PLEKHG4B: variants seen among roughly 807,000 people sequenced by gnomAD.
PLEKHG4B encodes the protein pleckstrin homology domain-containing family G member 4B.
In PLEKHG4B, 111 loss-of-function variants were observed where a neutral mutation model predicts 121.3. The observed-to-expected ratio is 0.92, with a 90% confidence interval of 0.78 to 1.07. The LOEUF is 1.07. Among genes scored for constraint, PLEKHG4B ranks in the 50% least tolerant of loss-of-function variants. The probability of loss-of-function intolerance (pLI) is 0.00; values close to 1 mark genes in which losing one functional copy is unlikely to be tolerated. For synonymous variants in PLEKHG4B, 738 were observed against 725.0 expected (o/e 1.02, Z -0.29); for missense variants, 1,831 against 1,757.8 (o/e 1.04, Z -0.74).
At chr5:118,194 A>G (rs958378527) in intron 2 of PLEKHG4B, among the ~76,000 whole-genome samples, 3 of 152,226 alleles carry the variant, frequency 2.0e-5, no homozygotes, top group African/African-American at 7.2e-5. Context: ...AGCCAGGAAG[A>G]CATGATCTGT....
chr5:139,819 G>A lies in PLEKHG4B; in HGVS notation c.580G>A (p.Asp194Asn). ...GLAVHRAPWS[D>N]VTDPVFVPSP... ...GGCCGTCCACCGAGCCCCGTGGAGC[G>A]ACGTCACTGACCCTGTCTTTGTCCC... Residue 194 changes from aspartate (D) to asparagine (N), a missense_variant, in exon 3 of 20, where the codon GAC becomes AAC. Asp to Asn is a conservative substitution (Grantham distance 23). Transcript: ENST00000637938. The surrounding 1 kb of genome is among the most constrained non-coding windows in gnomAD (Gnocchi z 5.0). The A allele has an allele frequency of 2.5e-6, 1 of 398,758 alleles. No individual in the cohort carries two copies. The highest frequency in any genetic ancestry group is 4.4e-6 in the Non-Finnish European group (1 of 226,254). 24.7% of individuals were successfully genotyped at this position (398,758 alleles called of 1,614,324 possible). A position where few individuals can be genotyped will look rare whatever the true frequency, so the allele number is the denominator to read the frequency against.
intron 13 of PLEKHG4B, among the ~76,000 whole-genome samples, chr5:166,513 G>A (rs1736353260): frequency 9.6e-6 from 1 of 103,936 alleles, no homozygotes; most frequent in African/African-American, 3.5e-5. Context: ...TTCTGACGGG[G>A]CGGAGCTCAC....
In PLEKHG4B at chr5:163,207, G is replaced by A. The variant is rs1262781563; in HGVS notation, c.3135G>A (p.Gly1045=). The change falls in exon 13 of 20, where the codon GGG becomes GGA. Residue 1045 remains glycine, a synonymous_variant. Transcript: ENST00000637938. The stretch of plus-strand genomic sequence containing the variant: ...TGTCCCTCCTCAGGGGCCTTCCAGG[G>A]GCAGGGGCCACCACGGCCCACCTGG... ...DPLSLLRGLP[G]AGATTAHLED... is the part of the protein sequence containing the mutation. 15 of 1,593,448 alleles carry A rather than the reference G, an allele frequency of 9.4e-6. No individual in the cohort carries two copies. In the East Asian group the frequency reaches 3.3e-4, roughly 36 times the overall value.
intron 2 of PLEKHG4B, among the ~76,000 whole-genome samples, chr5:127,162 T>G (rs1734641933): frequency 6.6e-6 from 1 of 152,090 alleles, no homozygotes; most frequent in Non-Finnish European, 1.5e-5. Context: ...CTGTATGAGC[T>G]TCCAGCTTGC....
chr5:170,985 G>C, intron 14 of PLEKHG4B, 58 bp from the exon 15 acceptor site: 1 of 1,432,890 alleles, frequency 7.0e-7, no homozygotes, highest in Admixed American at 1.8e-5. Flanking sequence ...GGCTGCGGGA[G>C]CCTGCTGTCT....
intron 1 of PLEKHG4B, among the ~76,000 whole-genome samples, chr5:110,752 G>A (rs1734133836): frequency 6.6e-6 from 1 of 152,074 alleles, no homozygotes; most frequent in Non-Finnish European, 1.5e-5. Flanking sequence ...CAACAAACGT[G>A]CACACATCCA....
intron 6 of PLEKHG4B, among the ~76,000 whole-genome samples, chr5:150,730 C>T (rs1735579559): frequency 6.6e-6 from 1 of 152,102 alleles, no homozygotes; most frequent in African/African-American, 2.4e-5. Flanking sequence ...ATGAAACACA[C>T]AAAAACAGTA....
chr5:138,836 G>C (rs755061507), intron 2 of PLEKHG4B, among the ~76,000 whole-genome samples: 1 of 152,262 alleles, frequency 6.6e-6, no homozygotes, highest in Non-Finnish European at 1.5e-5. Flanking sequence ...ACAGTTAAGT[G>C]ATCTGTGTGC....
At chr5:100,050 G>A (rs1211648354) in intron 1 of PLEKHG4B, among the ~76,000 whole-genome samples, 7 of 152,066 alleles carry the variant, frequency 4.6e-5, no homozygotes, top group African/African-American at 1.2e-4. Flanking sequence ...GTTGAAGAAC[G>A]CTTGCATTCC....
Position 161,678 on chromosome 5 carries a change from C to T in PLEKHG4B, c.2488-105C>T, listed in dbSNP as rs377115409. 7.4e-4 allele frequency: 1,083 copies of T among 1,468,302 alleles called. 2 individuals carry two copies. The Middle Eastern group carries it at 0.015, about 21-fold the overall frequency. The allele number at this position is 1,468,302 out of a possible 1,614,324, so 91.0% of individuals were successfully genotyped here. ...GGCAGCAGCAGGCAGCACTGTGGGC[C>T]GTCCGAGCCTTGGTGCCAGTGGCTA... On this transcript the variant is annotated intron_variant, in intron 11 of 19. Coordinates refer to ENST00000637938, the MANE Select transcript of PLEKHG4B (RefSeq NM_052909.5).
chr5:167,394 C>G (rs1230239913), intron 13 of PLEKHG4B, among the ~76,000 whole-genome samples: 1 of 151,968 alleles, frequency 6.6e-6, no homozygotes, highest in African/African-American at 2.4e-5. Context: ...TCATTAGCTG[C>G]TTTTTAGTTT....
intron 2 of PLEKHG4B, among the ~76,000 whole-genome samples, chr5:135,685 ATATATATATATATAT>A (rs1734957546): frequency 1.6e-4 from 5 of 31,064 alleles, no homozygotes; most frequent in African/African-American, 6.3e-4. Context: ...AAAAAAAAAT[ATATATATATATATAT>A]ATATATATAT....
In PLEKHG4B at chr5:144,885, G is replaced by T. The variant is rs757941005; in HGVS notation, c.1870G>T (p.Ala624Ser). Residue 624 changes from alanine (A) to serine (S), a missense_variant, in exon 6 of 20, where the codon GCC (alanine) becomes TCC (serine). Transcript: ENST00000637938. ...VLVDARRSPA[A>S]PAVSQALSGL... ...GGTGGATGCACGCAGGAGTCCAGCTGCCCCTGCCGTCTCCCAGGCCCTCTC... is the reference window on the plus strand; with the variant it reads ...GGTGGATGCACGCAGGAGTCCAGCTTCCCCTGCCGTCTCCCAGGCCCTCTC... 1.2e-6 allele frequency: 2 copies of T among 1,613,396 alleles called. No homozygotes were observed. The highest frequency in any genetic ancestry group is 1.7e-6 in the Non-Finnish European group (2 of 1,179,976).
At chr5:130,728 A>G (rs1410156046) in intron 2 of PLEKHG4B, among the ~76,000 whole-genome samples, 2 of 152,206 alleles carry the variant, frequency 1.3e-5, no homozygotes, top group East Asian at 3.8e-4. Context: ...CACTGTGTTG[A>G]AACAACTTGA....
chr5:163,906 T>C (rs1736140800), intron 13 of PLEKHG4B, among the ~76,000 whole-genome samples: 1 of 152,194 alleles, frequency 6.6e-6, no homozygotes, highest in Non-Finnish European at 1.5e-5. Flanking sequence ...AAATAACTTT[T>C]AAAAAGTCTC....
At chr5:95,651 G>A (rs1244952791) in intron 1 of PLEKHG4B, among the ~76,000 whole-genome samples, 7 of 152,322 alleles carry the variant, frequency 4.6e-5, no homozygotes. Flanking sequence ...GGCAGAGCCT[G>A]CCCTGTGGGA....
At chr5:155,678 T>TGCAACAGGTGTGAGCG (rs1245521374) in intron 9 of PLEKHG4B, among the ~76,000 whole-genome samples, 1 of 152,172 alleles carries the variant, frequency 6.6e-6, no homozygotes, top group African/African-American at 2.4e-5. Flanking sequence ...TTTGATGATA[T>TGCAACAGGTGTGAGCG]GCAACAGGTG....
intron 1 of PLEKHG4B, among the ~76,000 whole-genome samples, chr5:100,436 A>T (rs1733772276): frequency 7.5e-6 from 1 of 133,310 alleles, no homozygotes; most frequent in Non-Finnish European, 1.6e-5. Context: ...AATCCATATA[A>T]AGCCCTGGAA....
chr5:126,377 G>A (rs1734613825), intron 2 of PLEKHG4B, among the ~76,000 whole-genome samples: 1 of 151,918 alleles, frequency 6.6e-6, no homozygotes, highest in African/African-American at 2.4e-5. Context: ...CTTCTTTTTA[G>A]GATTTTTAAT....
Sources: allele counts gnomAD v4.1 joint callset (sites outside exome capture counted in the v4.1 genomes callset), GRCh38; gene constraint gnomAD v4.1.1; non-coding constraint Gnocchi (gnomAD v3.1); transcripts MANE v1.5; gene names NCBI Gene and HGNC (gene_info 2026-07-23, HGNC 2026-07-21).